INPP5A: variants seen among roughly 807,000 people sequenced by gnomAD.
INPP5A encodes 43 kDa inositol polyphosphate 5-phophatase.
INPP5A carries 14 observed loss-of-function variants against 65.2 expected under a neutral mutation model. The observed-to-expected ratio is 0.21, with a 90% CI of 0.14 to 0.34. INPP5A has a LOEUF of 0.34. Ranked by LOEUF, INPP5A falls within the 10% of genes least tolerant of loss-of-function variation. The pLI is 1.00. For synonymous variants in INPP5A, 207 were observed against 208.3 expected, an observed-to-expected ratio of 0.99 and a Z score of 0.05; for missense variants, 431 against 545.6, an observed-to-expected ratio of 0.79 and a Z score of 2.09.
At chr10:132,636,163 A>ATGTGTG (rs59663030) in intron 2 of INPP5A, among the ~76,000 whole-genome samples, 83,858 of 149,530 alleles carry the variant, frequency 0.56, 23,559 homozygotes, top group East Asian at 0.78. Flanking sequence ...GATAAACAAA[A>ATGTGTG]TGTGTGTGTG....
rs1412779512 is a variant in INPP5A at position 132,678,079 on chromosome 10, G to A, written c.307-12313G>A. Among the ~76,000 whole-genome samples, 3 of 152,224 alleles carry A rather than the reference G, an allele frequency of 2.0e-5. No individual in the cohort carries two copies. Among genetic ancestry groups the A allele is most frequent in the Non-Finnish European group, 2.9e-5 (2 of 68,036 alleles). On this transcript the variant is annotated intron_variant, in intron 4 of 15. Transcript: ENST00000368594. The surrounding 1 kb of genome is among the most constrained non-coding windows in gnomAD (Gnocchi z 4.1). ...AGGCCAGACAGGGGGACACCTTGGT[G>A]CCGTCATCCCGTTTGGCCCCAGGAG...
chr10:132,538,130 G>A lies in INPP5A; in HGVS notation c.34G>A (p.Val12Met), dbSNP rs2133234788. 1.6e-6 allele frequency: 2 copies of A among 1,264,758 alleles called. No homozygotes were observed. The highest frequency in any genetic ancestry group is 3.1e-5 in the East Asian group (1 of 31,752). 78.3% of individuals were successfully genotyped at this position (1,264,758 alleles called of 1,614,324 possible). ...AGKAAAPGTA[V>M]LLVTANVGSL... ...GAAGGCGGCCGCCCCGGGCACCGCGGTGCTGCTGGTCACGGCCAACGTGGG... is the reference window on the plus strand; with the variant it reads ...GAAGGCGGCCGCCCCGGGCACCGCGATGCTGCTGGTCACGGCCAACGTGGG... The change falls in exon 1 of 16, where the codon GTG becomes ATG. Residue 12 changes from valine (V) to methionine (M), a missense_variant. Coordinates refer to ENST00000368594, the MANE Select transcript of INPP5A (RefSeq NM_005539.5). The surrounding 1 kb of genome is among the most constrained non-coding windows in gnomAD (Gnocchi z 4.1).
chr10:132,600,341 A>G (rs796461066), intron 1 of INPP5A, among the ~76,000 whole-genome samples: 4 of 152,294 alleles, frequency 2.6e-5, no homozygotes, highest in African/African-American at 9.6e-5. Flanking sequence ...CACGGGCAAA[A>G]TGCTGCCAGT....
At chr10:132,699,100 C>T (rs1845393731) in intron 6 of INPP5A, among the ~76,000 whole-genome samples, 1 of 152,236 alleles carries the variant, frequency 6.6e-6, no homozygotes, top group African/African-American at 2.4e-5. Flanking sequence ...TGCAAGAAAG[C>T]TCCATGGTCT....
At position 132,707,007 on chromosome 10, in the gene INPP5A, C is replaced by T. The variant is rs868163655; in HGVS notation, c.475-1306C>T. 1.3e-5 allele frequency among the ~76,000 whole-genome samples: 2 copies of T among 152,202 alleles called. No individual in the cohort carries two copies. The highest frequency in any genetic ancestry group is 2.4e-5 in the African/African-American group (1 of 41,466). On this transcript the variant is annotated intron_variant, in intron 6 of 15. Transcript: ENST00000368594. This position sits in a 1 kb window ranked among gnomAD's most constrained non-coding sequence, Gnocchi z 5.5. ...CGCATACTGGAGGAGCCAAAGGGGA[C>T]GGTGGCCAGTGGCAAGGTGGGGTCA...
intron 9 of INPP5A, among the ~76,000 whole-genome samples, chr10:132,742,524 C>T (rs1019861715): frequency 3.9e-5 from 6 of 152,214 alleles, no homozygotes; most frequent in Admixed American, 2.6e-4. Flanking sequence ...AGGTGGAAGG[C>T]GGTTGTATCT....
At chr10:132,540,034 T>A (rs1220100480) in intron 1 of INPP5A, among the ~76,000 whole-genome samples, 2 of 152,246 alleles carry the variant, frequency 1.3e-5, no homozygotes, top group African/African-American at 4.8e-5. Flanking sequence ...CATGGGTGTG[T>A]GTCTGTATAT....
chr10:132,653,149 C>G (rs2072601322), intron 4 of INPP5A, among the ~76,000 whole-genome samples: 1 of 152,240 alleles, frequency 6.6e-6, no homozygotes, highest in Non-Finnish European at 1.5e-5. Context: ...GCTGGGATAC[C>G]TGAGAGCGAG....
At chr10:132,734,548 G>A (rs1321825574) in intron 9 of INPP5A, among the ~76,000 whole-genome samples, 2 of 152,250 alleles carry the variant, frequency 1.3e-5, no homozygotes, top group African/African-American at 2.4e-5. Context: ...GGTTCTGGGT[G>A]GGTGAGTGTC....
intron 5 of INPP5A, among the ~76,000 whole-genome samples, chr10:132,695,051 C>G (rs1308158810): frequency 6.6e-6 from 1 of 151,886 alleles, no homozygotes; most frequent in Admixed American, 6.6e-5. Context: ...CCAGCATTAC[C>G]CTAATACTAA....
intron 11 of INPP5A, among the ~76,000 whole-genome samples, chr10:132,760,914 G>A (rs973117755): frequency 5.3e-5 from 8 of 152,344 alleles, no homozygotes; most frequent in East Asian, 1.9e-4. Flanking sequence ...CACTGTAAAC[G>A]CGGGGAGAGG....
rs1845548848 is a variant in INPP5A, at chr10:132,707,117, CCA to C, written c.475-1193_475-1192del. 1.3e-5 allele frequency among the ~76,000 whole-genome samples: 2 copies of C among 152,228 alleles called. No individual in the cohort carries two copies. The highest frequency in any genetic ancestry group is 4.8e-5 in the African/African-American group (2 of 41,452). On this transcript the variant is annotated intron_variant, in intron 6 of 15. Transcript: ENST00000368594. This position sits in a 1 kb window ranked among gnomAD's most constrained non-coding sequence, Gnocchi z 5.5. ...GACCCTTTCTTCACGGGTGTTTCGT[CCA>C]CAGTTAACTCCAGATTCCCATCTGC... is the stretch of plus-strand genomic sequence containing the variant.
At chr10:132,680,740 G>A (rs531415583) in intron 4 of INPP5A, among the ~76,000 whole-genome samples, 4 of 152,370 alleles carry the variant, frequency 2.6e-5, no homozygotes, top group South Asian at 4.1e-4. Context: ...GGGCTTGGCG[G>A]GCCCCGCACT....
intron 3 of INPP5A, among the ~76,000 whole-genome samples, chr10:132,647,644 G>C (rs987263971): frequency 2.6e-5 from 4 of 152,120 alleles, no homozygotes; most frequent in African/African-American, 9.7e-5. Flanking sequence ...AGGCAGGTGC[G>C]CAGCCCAGAG....
chr10:132,707,462 A>G lies in INPP5A; in HGVS notation c.475-851A>G, dbSNP rs1361717460. 2.3e-4 allele frequency among the ~76,000 whole-genome samples: 35 copies of G among 152,230 alleles called. No individual in the cohort carries two copies. The highest frequency in any genetic ancestry group is 2.3e-3 in the Admixed American group (35 of 15,288). On this transcript the variant is annotated intron_variant, in intron 6 of 15. Transcript: ENST00000368594. This position sits in a 1 kb window ranked among gnomAD's most constrained non-coding sequence, Gnocchi z 5.5. Reference sequence around the variant, plus strand: ...AGGCTGTGAAGCTACCCTGTTCTGCATGGCTGTTTAAATTAAAATTAATGA... The same window carrying G: ...AGGCTGTGAAGCTACCCTGTTCTGCGTGGCTGTTTAAATTAAAATTAATGA...
intron 8 of INPP5A, among the ~76,000 whole-genome samples, chr10:132,720,096 G>A (rs557245041): frequency 7.0e-6 from 1 of 141,948 alleles, no homozygotes; most frequent in Non-Finnish European, 1.5e-5. Flanking sequence ...CGGCTGTCTT[G>A]CGGGTTCTGT....
chr10:132,567,302 C>G (rs549971703), intron 1 of INPP5A, among the ~76,000 whole-genome samples: 2 of 152,318 alleles, frequency 1.3e-5, no homozygotes, highest in Non-Finnish European at 2.9e-5. Flanking sequence ...TTTACTTGGG[C>G]AACTTTTATT....
At position 132,732,902 on chromosome 10, in the gene INPP5A, G is replaced by T. The variant is rs753375513; in HGVS notation, c.732+5997G>T. Among the ~76,000 whole-genome samples, 47 of 152,200 alleles carry T rather than the reference G, an allele frequency of 3.1e-4. 1 individual carries two copies. Among genetic ancestry groups the T allele is most frequent in the Admixed American group, 3.9e-4 (6 of 15,290 alleles). ...CCCGCGCAGAGTCTCCTGTCTCCGT[G>T]TGGGGAGATTCCTGCGGCAGTGGCT... is the stretch of plus-strand genomic sequence containing the variant. On this transcript the variant is annotated intron_variant, in intron 9 of 15. Coordinates refer to ENST00000368594, the MANE Select transcript of INPP5A (RefSeq NM_005539.5).
At chr10:132,541,552 A>T (rs1001941485) in intron 1 of INPP5A, among the ~76,000 whole-genome samples, 4 of 152,096 alleles carry the variant, frequency 2.6e-5, no homozygotes, top group African/African-American at 9.7e-5. Context: ...GACCCGAAAG[A>T]GTTCTTGTTT....
Sources: allele counts gnomAD v4.1 joint callset (sites outside exome capture counted in the v4.1 genomes callset), GRCh38; gene constraint gnomAD v4.1.1; non-coding constraint Gnocchi (gnomAD v3.1); transcripts MANE v1.5; gene names NCBI Gene and HGNC (gene_info 2026-07-23, HGNC 2026-07-21).